Variants in GNAQ observed in about 807,000 individuals in gnomAD.
GNAQ encodes guanine nucleotide-binding protein G(q) subunit alpha.
Under a neutral mutation model 43.9 loss-of-function variants are expected in GNAQ, and 8 were observed. That is an observed-to-expected ratio of 0.18 (90% confidence interval 0.11 to 0.33). The LOEUF (loss-of-function observed/expected upper bound fraction) is 0.33. Ranked by LOEUF, GNAQ falls within the 10% of genes least tolerant of loss-of-function variation. The pLI is 1.00. For missense variants in GNAQ, 158 were observed against 450.8 expected (o/e 0.35, Z 5.88); for synonymous variants, 155 against 170.7 (o/e 0.91, Z 0.71).
At chr9:77,938,423 C>T (rs751770349) in intron 1 of GNAQ, among the ~76,000 whole-genome samples, 4 of 152,080 alleles carry the variant, frequency 2.6e-5, no homozygotes, top group Non-Finnish European at 5.9e-5. Flanking sequence ...CATCATAGGA[C>T]TCATGAAGAA....
At chr9:77,815,832 C>T (rs1827004301) in intron 2 of GNAQ, 62 bp from the exon 3 acceptor site, 1 of 1,100,158 alleles carries the variant, frequency 9.1e-7, no homozygotes, top group Non-Finnish European at 1.4e-6. Flanking sequence ...CTTTGCTTTG[C>T]ATATTACATT....
intron 1 of GNAQ, among the ~76,000 whole-genome samples, chr9:77,940,235 T>C (rs961033674): frequency 2.6e-5 from 4 of 152,146 alleles, no homozygotes; most frequent in Non-Finnish European, 5.9e-5. Context: ...TTATAGTGCA[T>C]ATTACAGATT....
chr9:77,721,491 T>C lies in GNAQ; in HGVS notation c.912A>G (p.Ala304=). ...ACATCTTCAGAATGAATTCTCGGGC[T>C]GCCTGGGCATCTCTCTGGGGTCCTT... is the stretch of plus-strand genomic sequence containing the variant. ...EYDGPQRDAQ[A]AREFILKMFV... The change falls in exon 7 of 7, where the codon GCA becomes GCG. Residue 304 remains alanine (A), a synonymous_variant. Coordinates refer to ENST00000286548, the MANE Select transcript of GNAQ (RefSeq NM_002072.5). 6.2e-7 allele frequency: 1 copy of C among 1,611,786 alleles called. No individual in the cohort carries two copies. The highest frequency in any genetic ancestry group is 8.5e-7 in the Non-Finnish European group (1 of 1,178,452).
At position 78,006,674 on chromosome 9, in the gene GNAQ, C is replaced by T. The variant is rs62573083; in HGVS notation, c.136+24426G>A. On this transcript the variant is annotated intron_variant, in intron 1 of 6. Coordinates refer to ENST00000286548, the MANE Select transcript of GNAQ (RefSeq NM_002072.5). The stretch of plus-strand genomic sequence containing the variant: ...AAATACGCCTTTTGGAAATTTACTG[C>T]AAAGTTATGATGGAAATTGAGTTGT... Among the ~76,000 whole-genome samples, 947 of 152,234 alleles carry T rather than the reference C, an allele frequency of 6.2e-3. 4 individuals are homozygous for T. The highest frequency in any genetic ancestry group is 0.02 in the Middle Eastern group (6 of 294).
chr9:77,893,067 G>A (rs767801586), intron 2 of GNAQ, among the ~76,000 whole-genome samples: 1 of 152,166 alleles, frequency 6.6e-6, no homozygotes, highest in Non-Finnish European at 1.5e-5. Flanking sequence ...AGCTTCAACA[G>A]GGTCATGATG....
chr9:77,751,086 T>G (rs757634924), intron 5 of GNAQ, among the ~76,000 whole-genome samples: 1 of 152,192 alleles, frequency 6.6e-6, no homozygotes, highest in African/African-American at 2.4e-5. Context: ...CTAAATAGCA[T>G]CCATCATGTT....
intron 1 of GNAQ, among the ~76,000 whole-genome samples, chr9:77,997,752 C>G (rs1302638550): frequency 2.0e-5 from 3 of 152,182 alleles, no homozygotes; most frequent in Admixed American, 6.5e-5. Context: ...ACAGTGTAAT[C>G]GTTCCAAGCC....
At chr9:77,992,069 T>C (rs1388240341) in intron 1 of GNAQ, among the ~76,000 whole-genome samples, 2 of 152,356 alleles carry the variant, frequency 1.3e-5, no homozygotes, top group East Asian at 3.9e-4. Context: ...CTTCTCCTCC[T>C]CTGGGTAGAC....
intron 5 of GNAQ, among the ~76,000 whole-genome samples, chr9:77,742,444 C>T (rs1451411619): frequency 1.3e-5 from 2 of 151,890 alleles, no homozygotes; most frequent in Non-Finnish European, 2.9e-5. Context: ...AATATTTTGC[C>T]CCAAATAAGA....
chr9:77,966,657 C>T (rs1823171447), intron 1 of GNAQ, among the ~76,000 whole-genome samples: 1 of 152,120 alleles, frequency 6.6e-6, no homozygotes, highest in African/African-American at 2.4e-5. Context: ...AAAGTTTATT[C>T]ATCATAAAGT....
intron 2 of GNAQ, among the ~76,000 whole-genome samples, chr9:77,909,886 A>AGTATC (rs1257660935): frequency 6.6e-6 from 1 of 152,130 alleles, no homozygotes; most frequent in Admixed American, 6.6e-5. Flanking sequence ...TGAAAGGAAA[A>AGTATC]GTATCATAAT....
chr9:77,982,232 AT>A (rs1204385049), intron 1 of GNAQ, among the ~76,000 whole-genome samples: 1 of 152,244 alleles, frequency 6.6e-6, no homozygotes, highest in Non-Finnish European at 1.5e-5. Context: ...TCAGAGTTTT[AT>A]AAAAAAGAAA....
chr9:77,729,696 C>A (rs953533379), intron 5 of GNAQ, among the ~76,000 whole-genome samples: 1 of 152,176 alleles, frequency 6.6e-6, no homozygotes, highest in Non-Finnish European at 1.5e-5. Flanking sequence ...CTTCATCCTG[C>A]ACACACTTTC....
At chr9:77,928,417 G>C (rs1829099311) in intron 1 of GNAQ, among the ~76,000 whole-genome samples, 1 of 152,166 alleles carries the variant, frequency 6.6e-6, no homozygotes, top group Admixed American at 6.5e-5. Flanking sequence ...GTGGAAACTG[G>C]ACATGTAATT....
At chr9:77,959,798 T>C (rs1429358708) in intron 1 of GNAQ, among the ~76,000 whole-genome samples, 1 of 152,162 alleles carries the variant, frequency 6.6e-6, no homozygotes, top group Non-Finnish European at 1.5e-5. Flanking sequence ...CAAATCTATA[T>C]GCCAATCAGT....
At chr9:77,896,663 TACAA>T (rs1464540826) in intron 2 of GNAQ, among the ~76,000 whole-genome samples, 1 of 152,356 alleles carries the variant, frequency 6.6e-6, no homozygotes, top group African/African-American at 2.4e-5. Flanking sequence ...CCAATCAGGA[TACAA>T]ACAAAGGACA....
chr9:77,775,317 A>G (rs1826290160), intron 5 of GNAQ, among the ~76,000 whole-genome samples: 1 of 152,178 alleles, frequency 6.6e-6, no homozygotes, highest in African/African-American at 2.4e-5. Context: ...AAACACCTCA[A>G]AAGATTTTAT....
At chr9:77,984,676 A>G (rs1416169607) in intron 1 of GNAQ, among the ~76,000 whole-genome samples, 3 of 152,194 alleles carry the variant, frequency 2.0e-5, no homozygotes, top group African/African-American at 7.2e-5. Flanking sequence ...TTATATAACC[A>G]AAAACCTGCA....
intron 2 of GNAQ, among the ~76,000 whole-genome samples, chr9:77,919,200 A>G (rs992589705): frequency 1.3e-5 from 2 of 152,186 alleles, no homozygotes; most frequent in African/African-American, 2.4e-5. Flanking sequence ...GATTACAGGT[A>G]TGAGTCACCA....
Sources: allele counts gnomAD v4.1 joint callset (sites outside exome capture counted in the v4.1 genomes callset), GRCh38; gene constraint gnomAD v4.1.1; transcripts MANE v1.5; gene names NCBI Gene and HGNC (gene_info 2026-07-23, HGNC 2026-07-21).